The following ALDH4A1 variants were observed in gnomAD, a reference collection of about 807,000 sequenced individuals.
ALDH4A1 encodes the protein delta-1-pyrroline-5-carboxylate dehydrogenase, mitochondrial.
Under a neutral mutation model 70.5 loss-of-function variants are expected in ALDH4A1, and 46 were observed. That is an observed-to-expected ratio of 0.65 (90% CI 0.51 to 0.83). The LOEUF (loss-of-function observed/expected upper bound fraction) is 0.83. Ranked by LOEUF, ALDH4A1 falls within the 40% of genes least tolerant of loss-of-function variation. ALDH4A1 has a pLI of 0.00. For synonymous variants in ALDH4A1, 323 were observed against 324.3 expected (o/e 1.00, Z 0.04); for missense variants, 749 against 766.5 (o/e 0.98, Z 0.27).
At chr1:18,900,626 T>C (rs72936454) in intron 1 of ALDH4A1, among the ~76,000 whole-genome samples, 3,517 of 152,214 alleles carry the variant, frequency 0.023, 128 homozygotes, top group African/African-American at 0.074. Flanking sequence ...GCAACCAAAA[T>C]GTAGCCCCAA....
rs869123610 is a variant in ALDH4A1, at chr1:18,900,103, A to AT, written c.62+2358dup. 7.9e-5 allele frequency among the ~76,000 whole-genome samples: 12 copies of AT among 152,224 alleles called. No homozygotes were observed. In the East Asian group the frequency reaches 1.7e-3, roughly 22 times the overall value. ...TGGTACAATTCCAGGTGATTTTTCT[A>AT]TTTTTTTGCCTTATCTGTACTTTTC... On this transcript the variant is annotated intron_variant, in intron 1 of 14. Transcript: ENST00000375341.
rs139337382 is a variant in ALDH4A1, at chr1:18,895,041, C to T, written c.63-4936G>A. 9.2e-5 allele frequency among the ~76,000 whole-genome samples: 14 copies of T among 152,234 alleles called. No homozygotes were observed. In the East Asian group the frequency reaches 2.3e-3, roughly 25 times the overall value. On this transcript the variant is annotated intron_variant, in intron 1 of 14. Transcript: ENST00000375341. ...TTCCTCATCCATTCACGCATTTATGCAGTCAGTACACATTTATTCCACATG... is the reference window on the plus strand; with the variant it reads ...TTCCTCATCCATTCACGCATTTATGTAGTCAGTACACATTTATTCCACATG...
chr1:18,899,116 G>C (rs1203155695), intron 1 of ALDH4A1, among the ~76,000 whole-genome samples: 2 of 152,202 alleles, frequency 1.3e-5, no homozygotes, highest in South Asian at 4.1e-4. Flanking sequence ...TGGCCAGCAG[G>C]ACATTCCAGG....
chr1:18,889,255 T>C (rs1935339084), intron 3 of ALDH4A1, 107 bp downstream of exon 3: 11 of 1,050,734 alleles, frequency 1.0e-5, no homozygotes, highest in Non-Finnish European at 1.6e-5. Flanking sequence ...AGGGGCACTA[T>C]AAAGGCCTTG....
In ALDH4A1 at chr1:18,881,883, T is replaced by C. The variant is rs762546034; in HGVS notation, c.683A>G (p.Asn228Ser). The C allele has an allele frequency of 5.6e-6, 9 of 1,613,206 alleles. No homozygotes were observed. Among genetic ancestry groups the C allele is most frequent in the African/African-American group, 2.7e-5 (2 of 74,918 alleles). ...GTCACTGGGCTTCCATAGGACCACG[T>C]TGCCCTGCCCGGGAGGTGTTTCAGT... ...NLAGAPALMG[N>S]VVLWKPSDTA... The change falls in exon 8 of 15, where the codon AAC (asparagine) becomes AGC (serine). Residue 228 changes from asparagine (N) to serine (S), a missense_variant. Physicochemically the swap from Asn to Ser is conservative, Grantham distance 46 (BLOSUM62 1). Coordinates refer to ENST00000375341, the MANE Select transcript of ALDH4A1 (RefSeq NM_003748.4).
At chr1:18,873,295 A>G (rs1934527210) in intron 14 of ALDH4A1, among the ~76,000 whole-genome samples, 1 of 152,170 alleles carries the variant, frequency 6.6e-6, no homozygotes, top group Non-Finnish European at 1.5e-5. Context: ...AGAGGTACAT[A>G]TCTAGCCTTC....
intron 9 of ALDH4A1, among the ~76,000 whole-genome samples, chr1:18,878,619 C>T (rs1569735173): frequency 1.3e-5 from 2 of 152,186 alleles, no homozygotes; most frequent in African/African-American, 4.8e-5. Context: ...CCATGGGGGT[C>T]TTTGCAGAAA....
chr1:18,877,635 A>G, intron 9 of ALDH4A1, 23 bp from the exon 10 acceptor site: 1 of 1,518,354 alleles, frequency 6.6e-7, no homozygotes, highest in Non-Finnish European at 9.1e-7. Context: ...GGGGTGGGGA[A>G]ATGACCAGAG....
intron 3 of ALDH4A1, 123 bp downstream of exon 3, chr1:18,889,239 G>T: frequency 3.5e-6 from 3 of 853,312 alleles, no homozygotes; most frequent in Admixed American, 2.1e-5. Context: ...AAAATCTGGG[G>T]TGGGGAGGGG....
At chr1:18,872,999 C>T (rs775823534) in intron 14 of ALDH4A1, 42 bp from the exon 15 acceptor site, 1 of 1,523,118 alleles carries the variant, frequency 6.6e-7, no homozygotes, top group South Asian at 1.1e-5. Flanking sequence ...AAAGATGCAA[C>T]AGCCTGGGCA....
chr1:18,877,299 C>T (rs1318328013), intron 10 of ALDH4A1, 44 bp from the exon 11 acceptor site: 3 of 1,581,186 alleles, frequency 1.9e-6, no homozygotes, highest in African/African-American at 1.4e-5. Context: ...CACTGCAGGC[C>T]GAGACCAAGG....
rs201762741 is a variant in ALDH4A1, at chr1:18,876,417, G to C, written c.1236C>G (p.Ser412Arg). 4.5e-5 allele frequency: 72 copies of C among 1,612,348 alleles called. No homozygotes were observed. The highest frequency in any genetic ancestry group is 2.5e-4 in the Admixed American group (15 of 59,930). ...ACTTGCCCCCGGCCAGGATGGTGAG[G>C]CTGGGTGAGGAGCGTGCGTGCTCCA... ...KWLEHARSSP[S>R]LTILAGGKCD... Residue 412 changes from serine (S) to arginine (R), a missense_variant, in exon 12 of 15, where the codon AGC becomes AGG. Physicochemically the swap from Ser to Arg is moderately radical, Grantham distance 110 (BLOSUM62 -1). Transcript: ENST00000375341.
Position 18,874,519 on chromosome 1 carries a change from T to C in ALDH4A1, c.1523A>G (p.Asp508Gly). ...RNAAGNFYIN[D>G]KSTGSIVGQQ... The stretch of plus-strand genomic sequence containing the variant: ...GCCCACTATCGAGCCAGTGGACTTG[T>C]CGTTGATGTAGAAGTTGCCGGCAGC... The change falls in exon 14 of 15, where the codon GAC (aspartate) becomes GGC (glycine). Residue 508 changes from aspartate (D) to glycine (G), a missense_variant. Coordinates refer to ENST00000375341, the MANE Select transcript of ALDH4A1 (RefSeq NM_003748.4). The C allele has an allele frequency of 1.2e-6, 2 of 1,614,164 alleles. No individual in the cohort carries two copies. The highest frequency in any genetic ancestry group is 1.7e-6 in the Non-Finnish European group (2 of 1,180,034).
intron 10 of ALDH4A1, 40 bp downstream of exon 10, chr1:18,877,376 C>A (rs762419163): frequency 6.4e-7 from 1 of 1,552,640 alleles, no homozygotes; most frequent in Admixed American, 1.9e-5. Flanking sequence ...ATCCCATCAG[C>A]CCCCCGCTGG....
At chr1:18,885,707 T>C in intron 4 of ALDH4A1, 79 bp from the exon 5 acceptor site, 2 of 1,586,718 alleles carry the variant, frequency 1.3e-6, no homozygotes. Flanking sequence ...AGGAGAGACC[T>C]GGGAGGCCAC....
At chr1:18,901,234 A>G (rs534481305) in intron 1 of ALDH4A1, among the ~76,000 whole-genome samples, 1 of 152,290 alleles carries the variant, frequency 6.6e-6, no homozygotes, top group South Asian at 2.1e-4. Flanking sequence ...CCTCTGTCCC[A>G]TGTCCTCTTC....
chr1:18,902,009 G>C (rs900109998), intron 1 of ALDH4A1, among the ~76,000 whole-genome samples: 15 of 151,924 alleles, frequency 9.9e-5, no homozygotes, highest in Non-Finnish European at 1.9e-4. Context: ...AGAAGGAGAG[G>C]ACTCGGGGAA....
At position 18,872,321 on chromosome 1, in the gene ALDH4A1, G is replaced by C. The variant is rs1350354346; in HGVS notation, c.*524C>G. On this transcript the variant is annotated 3_prime_UTR_variant, in exon 15 of 15. Transcript: ENST00000375341. The stretch of plus-strand genomic sequence containing the variant: ...GGGCCTACTGGCCCAGGTGGGTCTG[G>C]GCAAAGATACAGTGAGGAAGGTAGA... 6.5e-6 allele frequency: 1 copy of C among 153,772 alleles called. No individual in the cohort carries two copies. The highest frequency in any genetic ancestry group is 2.4e-5 in the African/African-American group (1 of 41,478). The allele number at this position is 153,772 out of a possible 1,614,324, so 9.5% of individuals were successfully genotyped here.
chr1:18,884,359 T>C (rs1226358052), intron 5 of ALDH4A1, among the ~76,000 whole-genome samples: 2 of 152,066 alleles, frequency 1.3e-5, no homozygotes, highest in African/African-American at 2.4e-5. Flanking sequence ...CAGTGGCAAA[T>C]GCCTGATCCA....
Sources: allele counts gnomAD v4.1 joint callset (sites outside exome capture counted in the v4.1 genomes callset), GRCh38; gene constraint gnomAD v4.1.1; transcripts MANE v1.5; gene names NCBI Gene and HGNC (gene_info 2026-07-23, HGNC 2026-07-21).